CAMK4: variants seen among roughly 807,000 people sequenced by gnomAD.
CAMK4 encodes calcium/calmodulin-dependent protein kinase type IV.
CAMK4 carries 22 observed loss-of-function variants against 44.9 expected under a neutral mutation model. The observed-to-expected ratio is 0.49, with a 90% CI of 0.35 to 0.70. CAMK4 has a LOEUF of 0.70. Among genes scored for constraint, CAMK4 ranks in the 30% least tolerant of loss-of-function variants. The probability of loss-of-function intolerance (pLI) is 0.01; values close to 1 mark genes in which losing one functional copy is unlikely to be tolerated. For synonymous variants in CAMK4, 218 were observed against 215.4 expected (o/e 1.01, Z -0.11); for missense variants, 498 against 586.8 (o/e 0.85, Z 1.56).
chr5:111,451,168 C>T (rs750420457), intron 7 of CAMK4, among the ~76,000 whole-genome samples: 10 of 152,048 alleles, frequency 6.6e-5, no homozygotes, highest in Non-Finnish European at 1.2e-4. Flanking sequence ...GATTCCACAT[C>T]TAGTTGTTAG....
At chr5:111,406,587 AG>A (rs1752441004) in intron 5 of CAMK4, among the ~76,000 whole-genome samples, 1 of 152,086 alleles carries the variant, frequency 6.6e-6, no homozygotes, top group African/African-American at 2.4e-5. Flanking sequence ...GATTAATTAA[AG>A]AACAATAAAA....
intron 4 of CAMK4, among the ~76,000 whole-genome samples, chr5:111,382,591 A>G (rs890836458): frequency 3.3e-5 from 5 of 152,182 alleles, no homozygotes; most frequent in African/African-American, 1.2e-4. Context: ...ATGCAGGGCA[A>G]TTTATTAACA....
intron 4 of CAMK4, among the ~76,000 whole-genome samples, chr5:111,377,798 G>A (rs1037990765): frequency 2.0e-5 from 3 of 152,072 alleles, no homozygotes; most frequent in Non-Finnish European, 2.9e-5. Context: ...AAAAAATGGG[G>A]CAAGAGACAG....
intron 7 of CAMK4, among the ~76,000 whole-genome samples, chr5:111,468,099 C>T (rs1171266956): frequency 6.6e-6 from 1 of 152,114 alleles, no homozygotes; most frequent in Non-Finnish European, 1.5e-5. Flanking sequence ...TATGTTCTCC[C>T]TCATAAGTGG....
chr5:111,335,810 G>A (rs1749377046), intron 1 of CAMK4, among the ~76,000 whole-genome samples: 1 of 151,292 alleles, frequency 6.6e-6, no homozygotes, highest in Non-Finnish European at 1.5e-5. Context: ...GTATATGTAT[G>A]TACACATATT....
intron 5 of CAMK4, among the ~76,000 whole-genome samples, chr5:111,414,771 T>A (rs1752759541): frequency 2.0e-5 from 3 of 152,120 alleles, no homozygotes; most frequent in African/African-American, 7.2e-5. Flanking sequence ...TCTGTTTATA[T>A]TAGTACTAAA....
chr5:111,402,037 G>A (rs115761896), intron 5 of CAMK4, among the ~76,000 whole-genome samples: 1,608 of 152,338 alleles, frequency 0.011, 26 homozygotes, highest in African/African-American at 0.036. Context: ...TTCAACTGTT[G>A]TTCCTGGAAC....
intron 1 of CAMK4, among the ~76,000 whole-genome samples, chr5:111,328,348 C>T (rs893497313): frequency 6.6e-6 from 1 of 151,630 alleles, no homozygotes; most frequent in African/African-American, 2.4e-5. Context: ...TCTGAGGGCT[C>T]TGTTCTGTTC....
chr5:111,345,670 A>G (rs1296985528), intron 2 of CAMK4, among the ~76,000 whole-genome samples: 2 of 151,970 alleles, frequency 1.3e-5, no homozygotes, highest in Non-Finnish European at 2.9e-5. Flanking sequence ...TAGAAATTAC[A>G]TGTGAATGCT....
chr5:111,231,379 T>G (rs1394945843), intron 1 of CAMK4, among the ~76,000 whole-genome samples: 1 of 152,196 alleles, frequency 6.6e-6, no homozygotes, highest in Non-Finnish European at 1.5e-5. Context: ...TCCTGTGCAC[T>G]GTAGGATGTT....
rs1312562546 is a variant in CAMK4 at position 111,484,704 on chromosome 5, T to G, written c.*238T>G. 2.9e-6 allele frequency: 1 copy of G among 340,434 alleles called. No homozygotes were observed. The highest frequency in any genetic ancestry group is 4.8e-5 in the Admixed American group (1 of 21,022). 21.1% of individuals were successfully genotyped at this position (340,434 alleles called of 1,614,324 possible). A position where few individuals can be genotyped will look rare whatever the true frequency, so the allele number is the denominator to read the frequency against. ...TACCGATGAGTTAAATCTTGCAAGT[T>G]AACACAACGTAACACTTAAAAGCAT... On this transcript the variant is annotated 3_prime_UTR_variant, in exon 11 of 11. Coordinates refer to ENST00000282356, the MANE Select transcript of CAMK4 (RefSeq NM_001744.6). The surrounding 1 kb of genome is among the most constrained non-coding windows in gnomAD (Gnocchi z 5.3).
At chr5:111,418,090 G>A (rs943823769) in intron 5 of CAMK4, among the ~76,000 whole-genome samples, 7 of 151,978 alleles carry the variant, frequency 4.6e-5, no homozygotes, top group East Asian at 1.9e-4. Context: ...CCATATTCAC[G>A]TAGGTTCTTT....
intron 2 of CAMK4, among the ~76,000 whole-genome samples, chr5:111,346,130 G>A (rs373672011): frequency 3.9e-5 from 6 of 151,982 alleles, no homozygotes; most frequent in African/African-American, 1.4e-4. Flanking sequence ...TTCCATATAG[G>A]TCACGGAGAC....
At chr5:111,330,362 T>A (rs1292844368) in intron 1 of CAMK4, among the ~76,000 whole-genome samples, 1 of 151,694 alleles carries the variant, frequency 6.6e-6, no homozygotes, top group African/African-American at 2.4e-5. Context: ...AATGGAGTGA[T>A]ACACACTGTA....
At chr5:111,268,743 A>G (rs1750369967) in intron 1 of CAMK4, among the ~76,000 whole-genome samples, 1 of 152,166 alleles carries the variant, frequency 6.6e-6, no homozygotes, top group African/African-American at 2.4e-5. Context: ...TGTCAAAGAT[A>G]ATTTGTTTCC....
At chr5:111,469,233 A>G (rs1201290296) in intron 7 of CAMK4, among the ~76,000 whole-genome samples, 1 of 136,528 alleles carries the variant, frequency 7.3e-6, no homozygotes, top group Non-Finnish European at 1.5e-5. Flanking sequence ...ATAATATCTA[A>G]TTGTGTCTAG....
intron 1 of CAMK4, among the ~76,000 whole-genome samples, chr5:111,242,792 A>G (rs1241111146): frequency 6.6e-6 from 1 of 152,084 alleles, no homozygotes; most frequent in African/African-American, 2.4e-5. Flanking sequence ...GTTCTTGTGC[A>G]GCACCTCCAT....
intron 4 of CAMK4, among the ~76,000 whole-genome samples, chr5:111,386,413 C>T (rs1391287027): frequency 6.6e-6 from 1 of 152,160 alleles, no homozygotes; most frequent in Non-Finnish European, 1.5e-5. Context: ...AGTTATTATG[C>T]AGCCATTTGA....
At chr5:111,338,224 T>G (rs1749490530) in intron 1 of CAMK4, among the ~76,000 whole-genome samples, 1 of 151,252 alleles carries the variant, frequency 6.6e-6, no homozygotes, top group Non-Finnish European at 1.5e-5. Flanking sequence ...TTTTTAATGG[T>G]GTAAATTAAA....
Sources: allele counts gnomAD v4.1 joint callset (sites outside exome capture counted in the v4.1 genomes callset), GRCh38; gene constraint gnomAD v4.1.1; non-coding constraint Gnocchi (gnomAD v3.1); transcripts MANE v1.5; gene names NCBI Gene and HGNC (gene_info 2026-07-23, HGNC 2026-07-21).